The following PCDHA4 variants were observed in gnomAD, a reference collection of about 807,000 sequenced individuals.
The protein encoded by PCDHA4 is protocadherin alpha-4.
In PCDHA4, 49 loss-of-function variants were observed where a neutral mutation model predicts 61.4. The ratio of observed to expected loss-of-function variants is 0.80; its 90% CI spans 0.63 to 1.01. The LOEUF is 1.01. PCDHA4 is among the 50% of genes least tolerant of loss of function. The pLI, the probability that PCDHA4 is intolerant of heterozygous loss-of-function variation, is 0.00. For missense variants in PCDHA4, 1,254 were observed against 1,235.8 expected (o/e 1.01, Z -0.22); for synonymous variants, 590 against 550.3 (o/e 1.07, Z -1.01).
intron 1 of PCDHA4, chr5:140,849,973 C>A: frequency 6.3e-7 from 1 of 1,597,728 alleles, no homozygotes; most frequent in Non-Finnish European, 8.6e-7. Flanking sequence ...GTGTCCTACT[C>A]GCTGGTGGAG....
At chr5:140,861,503 C>A in intron 1 of PCDHA4, 1 of 478,536 alleles carries the variant, frequency 2.1e-6, no homozygotes, top group Non-Finnish European at 4.3e-6. Context: ...TGATAGACCT[C>A]GAGGAGCTGT....
intron 1 of PCDHA4, chr5:140,875,810 C>A: frequency 6.2e-7 from 1 of 1,614,106 alleles, no homozygotes; most frequent in Non-Finnish European, 8.5e-7. Flanking sequence ...GTGGACAGGC[C>A]GCTGCAGGTT....
chr5:140,900,030 G>A (rs1159979332), intron 1 of PCDHA4, among the ~76,000 whole-genome samples: 1 of 152,086 alleles, frequency 6.6e-6, no homozygotes, highest in Admixed American at 6.6e-5. Context: ...GTTTGGCCTT[G>A]AATTCCTGGG....
intron 1 of PCDHA4, among the ~76,000 whole-genome samples, chr5:140,839,858 G>A (rs2150301292): frequency 6.6e-6 from 1 of 152,038 alleles, no homozygotes; most frequent in East Asian, 1.9e-4. Context: ...TACTTTTGAG[G>A]TGGACTTTGA....
At chr5:140,965,143 G>A (rs1451263269) in intron 1 of PCDHA4, among the ~76,000 whole-genome samples, 1 of 152,230 alleles carries the variant, frequency 6.6e-6, no homozygotes, top group Admixed American at 6.5e-5. Context: ...AGAATACTGG[G>A]AGATGAAGAG....
chr5:140,918,929 A>G (rs2078930762), intron 1 of PCDHA4, among the ~76,000 whole-genome samples: 1 of 152,226 alleles, frequency 6.6e-6, no homozygotes, highest in Non-Finnish European at 1.5e-5. Context: ...AGCATATGGC[A>G]TTTTGTTATA....
rs934191848 is a variant in PCDHA4 at position 140,866,248 on chromosome 5, C to A, written c.2385+56676C>A. 5.9e-5 allele frequency: 9 copies of A among 152,184 alleles called. 1 individual carries two copies. Among genetic ancestry groups the A allele is most frequent in the Admixed American group, 3.9e-4 (6 of 15,284 alleles). 9.4% of individuals were successfully genotyped at this position (152,184 alleles called of 1,614,324 possible). A position where few individuals can be genotyped will look rare whatever the true frequency, so the allele number is the denominator to read the frequency against. ...TAAATACTATATACCAAAAATGACACCCTTCTTTCTTTACTGTGAATAAAG... is the reference window on the plus strand; with the variant it reads ...TAAATACTATATACCAAAAATGACAACCTTCTTTCTTTACTGTGAATAAAG... On this transcript the variant is annotated intron_variant, in intron 1 of 3. Coordinates refer to ENST00000530339, the MANE Select transcript of PCDHA4 (RefSeq NM_018907.4).
chr5:140,852,594 T>G (rs1554145952), intron 1 of PCDHA4: 2 of 893,746 alleles, frequency 2.2e-6, no homozygotes, highest in African/African-American at 3.6e-5. Flanking sequence ...TTTTTTTTTT[T>G]GTCATTTTCT....
intron 1 of PCDHA4, among the ~76,000 whole-genome samples, chr5:140,942,616 T>C (rs2093340049): frequency 1.0e-5 from 1 of 99,878 alleles, no homozygotes. Context: ...TATTTGCCAA[T>C]TGTAAAAAAA....
At chr5:140,968,862 G>C (rs375652776) in intron 1 of PCDHA4, 3 of 1,614,126 alleles carry the variant, frequency 1.9e-6, no homozygotes, top group Middle Eastern at 1.7e-4. Context: ...AAGAGCCCTC[G>C]GACATACTCT....
chr5:140,995,956 G>A (rs1480673532), intron 3 of PCDHA4, among the ~76,000 whole-genome samples: 1 of 152,214 alleles, frequency 6.6e-6, no homozygotes, highest in African/African-American at 2.4e-5. Flanking sequence ...CACGCAAAAT[G>A]CTTAGAACCA....
intron 1 of PCDHA4, among the ~76,000 whole-genome samples, chr5:140,945,406 G>A (rs992531626): frequency 2.0e-4 from 30 of 151,882 alleles, no homozygotes; most frequent in East Asian, 1.2e-3. Flanking sequence ...AATACAATTC[G>A]TATCAAAATT....
intron 3 of PCDHA4, among the ~76,000 whole-genome samples, chr5:141,005,648 G>A (rs1354125322): frequency 7.4e-6 from 1 of 135,988 alleles, no homozygotes; most frequent in Non-Finnish European, 1.5e-5. Flanking sequence ...CTTGCAGTGA[G>A]TCGAGATCGC....
At chr5:140,968,086 A>G (rs2096217656) in intron 1 of PCDHA4, 1 of 1,614,058 alleles carries the variant, frequency 6.2e-7, no homozygotes, top group African/African-American at 1.3e-5. Context: ...TCACGGTGAC[A>G]GCCACAGATG....
chr5:140,904,700 C>A (rs1228017325), intron 1 of PCDHA4, among the ~76,000 whole-genome samples: 1 of 152,028 alleles, frequency 6.6e-6, no homozygotes, highest in Non-Finnish European at 1.5e-5. Flanking sequence ...AAATTGTTCC[C>A]TTTTCACCAC....
rs1423136904 is a variant in PCDHA4 at position 140,966,615 on chromosome 5, G to A, written c.2386-12334G>A. 1.0e-5 allele frequency: 8 copies of A among 773,600 alleles called. No individual in the cohort carries two copies. In the Admixed American group the frequency reaches 1.2e-4, roughly 12 times the overall value. The allele number at this position is 773,600 out of a possible 1,614,324, so 47.9% of individuals were successfully genotyped here. A position where few individuals can be genotyped will look rare whatever the true frequency, so the allele number is the denominator to read the frequency against. On this transcript the variant is annotated intron_variant, in intron 1 of 3. Transcript: ENST00000530339. The stretch of plus-strand genomic sequence containing the variant: ...GCCAGGAGCCCTTGGGAGGGCCTAC[G>A]GAGGGAGCGGCCCCAGGCGCTTTCT...
At chr5:140,926,131 A>G (rs2082931602) in intron 1 of PCDHA4, among the ~76,000 whole-genome samples, 1 of 152,076 alleles carries the variant, frequency 6.6e-6, no homozygotes, top group Non-Finnish European at 1.5e-5. Context: ...TTCAACCCGC[A>G]GCAGGATCCA....
chr5:140,852,495 C>T (rs2042351013), intron 1 of PCDHA4: 1 of 241,812 alleles, frequency 4.1e-6, no homozygotes, highest in Non-Finnish European at 7.2e-6. Context: ...CCAGGTTGGT[C>T]TCGAACTCCT....
intron 1 of PCDHA4, chr5:140,966,441 CT>C (rs1165111455): frequency 7.1e-6 from 3 of 424,684 alleles, no homozygotes; most frequent in African/African-American, 4.1e-5. Context: ...CTACCGCTCC[CT>C]TTCCCCCTCC....
Sources: allele counts gnomAD v4.1 joint callset (sites outside exome capture counted in the v4.1 genomes callset), GRCh38; gene constraint gnomAD v4.1.1; transcripts MANE v1.5; gene names NCBI Gene and HGNC (gene_info 2026-07-23, HGNC 2026-07-21).